The following PROSER1 variants were observed in gnomAD, a reference collection of about 807,000 sequenced individuals.
The protein encoded by PROSER1 is proline and serine-rich protein 1.
PROSER1 carries 36 observed loss-of-function variants against 71.8 expected under a neutral mutation model. The ratio of observed to expected loss-of-function variants is 0.50; its 90% CI spans 0.38 to 0.66. The LOEUF is 0.66. PROSER1 is among the 30% of genes least tolerant of loss of function. PROSER1 has a pLI of 0.00. For synonymous variants in PROSER1, 490 were observed against 452.4 expected, an observed-to-expected ratio of 1.08 and a Z score of -1.06; for missense variants, 1,107 against 1,135.0, an observed-to-expected ratio of 0.98 and a Z score of 0.35.
chr13:39,034,967 G>A (rs1871030175), intron 1 of PROSER1, among the ~76,000 whole-genome samples: 1 of 152,180 alleles, frequency 6.6e-6, no homozygotes, highest in East Asian at 1.9e-4. Flanking sequence ...AATCACACAT[G>A]CTCCCCTTGC....
Position 39,032,359 on chromosome 13 carries a change from A to AT in PROSER1, c.112-729dup, listed in dbSNP as rs1411541609. ...AGAACTTCAAACAAATGAGGGAAGC[A>AT]TTATGAGATAGCCAGTAAGAGGGGA... On this transcript the variant is annotated intron_variant, in intron 2 of 12. Transcript: ENST00000352251. Among the ~76,000 whole-genome samples the AT allele has an allele frequency of 1.7e-4, 26 of 152,324 alleles. 1 individual carries two copies. Among genetic ancestry groups the AT allele is most frequent in the African/African-American group, 5.3e-4 (22 of 41,572 alleles).
intron 2 of PROSER1, among the ~76,000 whole-genome samples, chr13:39,032,509 C>T (rs371655743): frequency 1.3e-5 from 2 of 152,126 alleles, no homozygotes; most frequent in African/African-American, 2.4e-5. Flanking sequence ...TGAAAATACG[C>T]TAAGGTTCCA....
chr13:39,013,956 G>A lies in PROSER1; in HGVS notation c.1296C>T (p.Leu432=). The A allele has an allele frequency of 6.2e-7, 1 of 1,614,148 alleles. No individual in the cohort carries two copies. ...SASLSSVFAG[L]PLPLPPTSQG... ...GGGATGTTGGTGGTAAGGGCAAAGGGAGCCCTGCAAAAACTGATGACAATG... is the reference window on the plus strand; with the variant it reads ...GGGATGTTGGTGGTAAGGGCAAAGGAAGCCCTGCAAAAACTGATGACAATG... The change falls in exon 11 of 13, where the codon CTC becomes CTT. Residue 432 remains leucine (L), a synonymous_variant. Transcript: ENST00000352251.
rs570969342 is a variant in PROSER1, at chr13:39,021,733, T to C, written c.730+593A>G. ...ATTCAATTAAATGGCAGCTTCATTA[T>C]TGGGTCAACAACCTTTAACAGTATA... On this transcript the variant is annotated intron_variant, in intron 9 of 12. Coordinates refer to ENST00000352251, the MANE Select transcript of PROSER1 (RefSeq NM_025138.5). Among the ~76,000 whole-genome samples the C allele has an allele frequency of 1.2e-4, 19 of 152,296 alleles. No individual in the cohort carries two copies. The South Asian group carries it at 2.5e-3, about 20-fold the overall frequency.
chr13:39,035,445 G>A lies in PROSER1; in HGVS notation c.46-1249C>T, dbSNP rs956806249. On this transcript the variant is annotated intron_variant, in intron 1 of 12. Coordinates refer to ENST00000352251, the MANE Select transcript of PROSER1 (RefSeq NM_025138.5). ...TTGAGCTGATAGTTAACCTCACAGA[G>A]AATAGGCCACCAGCTATAAGCAAGA... 2.0e-5 allele frequency among the ~76,000 whole-genome samples: 3 copies of A among 152,180 alleles called. No homozygotes were observed. The East Asian group carries it at 5.8e-4, about 29-fold the overall frequency.
At chr13:39,016,369 A>G (rs1009838297) in intron 10 of PROSER1, among the ~76,000 whole-genome samples, 1 of 152,200 alleles carries the variant, frequency 6.6e-6, no homozygotes, top group Non-Finnish European at 1.5e-5. Flanking sequence ...AAGCAACTGG[A>G]TAAAAGATCA....
At chr13:39,015,615 A>G (rs73458053) in intron 10 of PROSER1, among the ~76,000 whole-genome samples, 4,715 of 152,270 alleles carry the variant, frequency 0.031, 167 homozygotes, top group African/African-American at 0.091. Context: ...GAGGTAAACA[A>G]CACATACATA....
rs756833513 is a variant in PROSER1 at position 39,026,268 on chromosome 13, T to G, written c.480+9A>C. On this transcript the variant is annotated intron_variant, in intron 6 of 12. Transcript: ENST00000352251. ...GAAGTTTCATATACAGCTACAGAAGTATGCTTACTGGGAAAATTCCATTTA... is the reference window on the plus strand; with the variant it reads ...GAAGTTTCATATACAGCTACAGAAGGATGCTTACTGGGAAAATTCCATTTA... 2.6e-6 allele frequency: 4 copies of G among 1,543,990 alleles called. No homozygotes were observed. In the South Asian group the frequency reaches 4.5e-5, roughly 17 times the overall value.
rs186293906 is a variant in PROSER1, at chr13:39,016,447, T to C, written c.775+1053A>G. ...TTCAGACTCATGTCTTTAACTGCTA[T>C]ACTAGTTTGTCTTAATTTGTTTCTT... is the stretch of plus-strand genomic sequence containing the variant. On this transcript the variant is annotated intron_variant, in intron 10 of 12. Coordinates refer to ENST00000352251, the MANE Select transcript of PROSER1 (RefSeq NM_025138.5). 8.8e-4 allele frequency among the ~76,000 whole-genome samples: 134 copies of C among 152,352 alleles called. 1 individual carries two copies. Among genetic ancestry groups the C allele is most frequent in the African/African-American group, 3.1e-3 (129 of 41,578 alleles).
intron 7 of PROSER1, among the ~76,000 whole-genome samples, 189 bp downstream of exon 7, chr13:39,024,284 C>T (rs1870437811): frequency 6.6e-6 from 1 of 152,056 alleles, no homozygotes; most frequent in African/African-American, 2.4e-5. Flanking sequence ...AAATAAAAAG[C>T]TCAATCTCAA....
intron 1 of PROSER1, among the ~76,000 whole-genome samples, chr13:39,036,171 A>G (rs1025662216): frequency 2.6e-5 from 4 of 152,246 alleles, no homozygotes; most frequent in African/African-American, 9.6e-5. Context: ...TAGCAAACCA[A>G]TATTTTATTT....
At position 39,024,523 on chromosome 13, in the gene PROSER1, T is replaced by G. The variant is rs767659269; in HGVS notation, c.514A>C (p.Thr172Pro). Residue 172 changes from threonine to proline, a missense_variant, in exon 7 of 13, where the codon ACT (threonine) becomes CCT (proline). Coordinates refer to ENST00000352251, the MANE Select transcript of PROSER1 (RefSeq NM_025138.5). ...GCAGCTATTCCTTTGCCTTCGTTAG[T>G]ACATTCTTCACCATCTTTTTTCAAA... ...TPLKKDGEEC[T>P]NEGKGIAARI... 1.9e-6 allele frequency: 3 copies of G among 1,607,336 alleles called. No individual in the cohort carries two copies. Among genetic ancestry groups the G allele is most frequent in the Non-Finnish European group, 1.7e-6 (2 of 1,177,172 alleles).
intron 5 of PROSER1, chr13:39,026,602 T>C: frequency 2.3e-6 from 1 of 439,960 alleles, no homozygotes; most frequent in East Asian, 3.5e-5. Context: ...ATAATAATGC[T>C]GCAACAGACT....
Position 39,037,378 on chromosome 13 carries a change from A to G in PROSER1, c.-136T>C. The G allele has an allele frequency of 1.4e-6, 1 of 702,556 alleles. No individual in the cohort carries two copies. The highest frequency in any genetic ancestry group is 2.5e-6 in the Non-Finnish European group (1 of 393,754). 43.5% of individuals were successfully genotyped at this position (702,556 alleles called of 1,614,324 possible). A position where few individuals can be genotyped will look rare whatever the true frequency, so the allele number is the denominator to read the frequency against. On this transcript the variant is annotated 5_prime_UTR_variant, in exon 1 of 13. Transcript: ENST00000352251. The stretch of plus-strand genomic sequence containing the variant: ...GACTCCACGAGCAAGAGAGGATGCG[A>G]AGAGGTAGAGAGTATTGCAAACTTC...
chr13:39,035,301 T>C (rs180718722), intron 1 of PROSER1, among the ~76,000 whole-genome samples: 112 of 152,226 alleles, frequency 7.4e-4, no homozygotes, highest in African/African-American at 2.6e-3. Flanking sequence ...CCAAGTCATA[T>C]CTCAATTCTT....
chr13:39,028,314 A>G lies in PROSER1; in HGVS notation c.282T>C (p.Ile94=), dbSNP rs770127926. The change falls in exon 5 of 13, where the codon ATT becomes ATC. Residue 94 remains isoleucine (I), a synonymous_variant. Coordinates refer to ENST00000352251, the MANE Select transcript of PROSER1 (RefSeq NM_025138.5). The stretch of plus-strand genomic sequence containing the variant: ...TAGGACGAGAATTCTGTGCATCAAT[A>G]ATGTTCCTACCAAGAAAACACAATT... ...LVALELLASN[I]IDAQNSRPIE... The G allele has an allele frequency of 1.3e-5, 21 of 1,577,594 alleles. No individual in the cohort carries two copies. In the South Asian group the frequency reaches 1.8e-4, roughly 13 times the overall value.
In PROSER1 at chr13:39,023,076, G is replaced by T. The variant is rs939503266; in HGVS notation, c.619C>A (p.Arg207=). 6.2e-7 allele frequency: 1 copy of T among 1,612,848 alleles called. No homozygotes were observed. Among genetic ancestry groups the T allele is most frequent in the African/African-American group, 1.3e-5 (1 of 74,870 alleles). Residue 207 remains arginine, a synonymous_variant, in exon 8 of 13, where the codon CGA becomes AGA. Transcript: ENST00000352251. ...KPVPYPIPPC[R]PHATIAPSAY... ...CTTGGTGCAATAGTTGCATGTGGTC[G>T]GCATGGAGGTATCGGATAAGGAACA...
In PROSER1 at chr13:39,022,371, T is replaced by C. The variant is rs771432694; in HGVS notation, c.685A>G (p.Ile229Val). The change falls in exon 9 of 13, where the codon ATA becomes GTA. Residue 229 changes from isoleucine (I) to valine (V), a missense_variant. Coordinates refer to ENST00000352251, the MANE Select transcript of PROSER1 (RefSeq NM_025138.5). Reference protein sequence around the residue: ...NAGLVPLANVIAPPPPPYTPN... With the variant: ...NAGLVPLANVVAPPPPPYTPN... The stretch of plus-strand genomic sequence containing the variant: ...GTATATGGAGGTGGAGGTGGAGCTA[T>C]GACATTCGCTAATGGTACCAGACCT... The C allele has an allele frequency of 6.2e-7, 1 of 1,612,706 alleles. No individual in the cohort carries two copies. The highest frequency in any genetic ancestry group is 8.5e-7 in the Non-Finnish European group (1 of 1,178,772).
intron 9 of PROSER1, among the ~76,000 whole-genome samples, chr13:39,022,037 T>C (rs1870315123): frequency 6.6e-6 from 1 of 152,240 alleles, no homozygotes; most frequent in East Asian, 1.9e-4. Flanking sequence ...TGACTCTTTG[T>C]GCACCTCTGT....
Sources: allele counts gnomAD v4.1 joint callset (sites outside exome capture counted in the v4.1 genomes callset), GRCh38; gene constraint gnomAD v4.1.1; transcripts MANE v1.5; gene names NCBI Gene and HGNC (gene_info 2026-07-23, HGNC 2026-07-21).